The following SGK1 variants were observed in gnomAD, a reference collection of about 807,000 sequenced individuals.
SGK1 encodes the protein serum/glucocorticoid regulated kinase 1.
In SGK1, 26 loss-of-function variants were observed where a neutral mutation model predicts 64.2. The observed-to-expected ratio is 0.40, with a 90% CI of 0.30 to 0.56. The LOEUF is 0.56. Among genes scored for constraint, SGK1 ranks in the 20% least tolerant of loss-of-function variants. The pLI, the probability that SGK1 is intolerant of heterozygous loss-of-function variation, is 0.38. For missense variants in SGK1, 519 were observed against 645.6 expected (o/e 0.80, Z 2.12); for synonymous variants, 265 against 239.7 (o/e 1.11, Z -0.98).
intron 1 of SGK1, among the ~76,000 whole-genome samples, chr6:134,314,792 G>GT (rs61647029): frequency 0.084 from 11,615 of 138,768 alleles, 637 homozygotes; most frequent in African/African-American, 0.16. Context: ...AGACCCTATG[G>GT]TTTTTTTTTT....
intron 2 of SGK1, among the ~76,000 whole-genome samples, chr6:134,231,233 A>G (rs1387635479): frequency 6.6e-6 from 1 of 152,210 alleles, no homozygotes; most frequent in Non-Finnish European, 1.5e-5. Context: ...GGGACTGTGT[A>G]GTGGCTTATT....
At chr6:134,174,851 G>C (rs773238798) in intron 3 of SGK1, 3 of 1,612,730 alleles carry the variant, frequency 1.9e-6, no homozygotes, top group South Asian at 2.2e-5. Context: ...TCAAAGACCG[G>C]CTCGGCGTAT....
At chr6:134,198,724 C>CTTTTTTTTTTTTTTTTTTTT (rs1459010325) in intron 3 of SGK1, among the ~76,000 whole-genome samples, 2 of 65,942 alleles carry the variant, frequency 3.0e-5, no homozygotes, top group African/African-American at 5.1e-5. Flanking sequence ...TTCTCTTTTT[C>CTTTTTTTTTTTTTTTTTTTT]TATTTTTTTT....
intron 4 of SGK1, 79 bp from the exon 5 acceptor site, chr6:134,174,159 T>G: frequency 2.2e-6 from 2 of 910,520 alleles, no homozygotes; most frequent in South Asian, 2.9e-5. Flanking sequence ...AGTTTCTGGC[T>G]CTACCGACTT....
At chr6:134,181,931 T>C (rs936937483) in intron 3 of SGK1, among the ~76,000 whole-genome samples, 39 of 151,800 alleles carry the variant, frequency 2.6e-4, no homozygotes, top group Non-Finnish European at 1.6e-4. Context: ...AATCTTGGCT[T>C]ACTGCAACCT....
chr6:134,285,680 G>C lies in SGK1; in HGVS notation c.70-23532C>G, dbSNP rs1328766697. On this transcript the variant is annotated intron_variant, in intron 1 of 13. Coordinates refer to ENST00000367858, the MANE Select transcript of SGK1 (RefSeq NM_001143676.3). ...GCTGGCTGTTTGTATATCTCCTTTT[G>C]AGAATTGTCTATTCATGTCCTTTGT... 3.3e-5 allele frequency among the ~76,000 whole-genome samples: 5 copies of C among 151,686 alleles called. No individual in the cohort carries two copies. The East Asian group carries it at 9.7e-4, about 29-fold the overall frequency.
intron 1 of SGK1, among the ~76,000 whole-genome samples, chr6:134,313,954 A>C (rs933985897): frequency 3.3e-5 from 5 of 152,240 alleles, no homozygotes; most frequent in African/African-American, 1.2e-4. Flanking sequence ...GATTGGGAGA[A>C]TAAAACTGAT....
chr6:134,223,162 A>C (rs1776116992), intron 2 of SGK1, among the ~76,000 whole-genome samples: 1 of 152,064 alleles, frequency 6.6e-6, no homozygotes, highest in African/African-American at 2.4e-5. Flanking sequence ...TGAGGTTGGG[A>C]GTTCGAGACC....
intron 2 of SGK1, 48 bp from the exon 3 acceptor site, chr6:134,207,479 T>C (rs1380713257): frequency 7.9e-7 from 1 of 1,271,260 alleles, no homozygotes; most frequent in South Asian, 1.2e-5. Flanking sequence ...GGCTTCATCA[T>C]TTCAGCTATT....
In SGK1 at chr6:134,301,547, T is replaced by TCTTCTCTTCC. The variant is rs1469088069; in HGVS notation, c.69+15844_69+15845insGGAAGAGAAG. Among the ~76,000 whole-genome samples, 4 of 64,108 alleles carry TCTTCTCTTCC rather than the reference T, an allele frequency of 6.2e-5. No individual in the cohort carries two copies. In the Admixed American group the frequency reaches 6.6e-4, roughly 11 times the overall value. The allele number at this position is 64,108 out of a possible 152,430, so 42.1% of individuals were successfully genotyped here. ...TTTTCTCTTTTCTTCTCTTCTCTTC[T>TCTTCTCTTCC]CTTCTCTTCTCTTCTCTTCTCTTCT... is the stretch of plus-strand genomic sequence containing the variant. On this transcript the variant is annotated intron_variant, in intron 1 of 13. Transcript: ENST00000367858.
chr6:134,177,483 C>T (rs1288959734), intron 3 of SGK1, among the ~76,000 whole-genome samples: 1 of 152,186 alleles, frequency 6.6e-6, no homozygotes, highest in Non-Finnish European at 1.5e-5. Context: ...GCAAATTTTG[C>T]TCAGGCTGCC....
chr6:134,274,394 G>C (rs1220621173), intron 1 of SGK1, among the ~76,000 whole-genome samples: 1 of 152,178 alleles, frequency 6.6e-6, no homozygotes, highest in Non-Finnish European at 1.5e-5. Flanking sequence ...GATTAGAAAA[G>C]AAAGGTAAGG....
intron 3 of SGK1, among the ~76,000 whole-genome samples, chr6:134,198,291 T>C (rs1349989231): frequency 6.6e-6 from 1 of 152,218 alleles, no homozygotes. Context: ...CTAGATAATT[T>C]ATCTGTAATA....
chr6:134,289,518 T>C (rs921665653), intron 1 of SGK1, among the ~76,000 whole-genome samples: 2 of 152,198 alleles, frequency 1.3e-5, no homozygotes, highest in African/African-American at 4.8e-5. Context: ...TTCAAACATA[T>C]ACTTTATTTA....
At chr6:134,188,907 T>A (rs1366962271) in intron 3 of SGK1, among the ~76,000 whole-genome samples, 1 of 128,036 alleles carries the variant, frequency 7.8e-6, no homozygotes, top group East Asian at 2.1e-4. Context: ...TATTTCTTTT[T>A]CTTTTTTTTT....
intron 3 of SGK1, among the ~76,000 whole-genome samples, chr6:134,199,558 C>CAAAAA (rs369760659): frequency 5.4e-4 from 44 of 81,126 alleles, no homozygotes; most frequent in South Asian, 9.0e-4. Context: ...GACTCTCTCT[C>CAAAAA]AAAAAAAAAA....
chr6:134,190,579 C>T (rs901919154), intron 3 of SGK1, among the ~76,000 whole-genome samples: 2 of 152,156 alleles, frequency 1.3e-5, no homozygotes, highest in African/African-American at 4.8e-5. Flanking sequence ...AGCCACCACG[C>T]CAAGCTTCCT....
At chr6:134,182,401 G>T (rs989672989) in intron 3 of SGK1, among the ~76,000 whole-genome samples, 1 of 151,034 alleles carries the variant, frequency 6.6e-6, no homozygotes, top group Admixed American at 6.6e-5. Flanking sequence ...ACAAAAATTA[G>T]CCAGAAATCA....
At chr6:134,297,490 G>A (rs915170067) in intron 1 of SGK1, 8 of 597,496 alleles carry the variant, frequency 1.3e-5, no homozygotes, top group African/African-American at 3.7e-5. Context: ...CTGATGTTCC[G>A]GTTCATCTTG....
Sources: allele counts gnomAD v4.1 joint callset (sites outside exome capture counted in the v4.1 genomes callset), GRCh38; gene constraint gnomAD v4.1.1; transcripts MANE v1.5; gene names NCBI Gene and HGNC (gene_info 2026-07-23, HGNC 2026-07-21).